Variants in CDKL5 observed in about 807,000 individuals in gnomAD.
The protein encoded by CDKL5 is cyclin dependent kinase like 5.
In CDKL5, 8 loss-of-function variants were observed where a neutral mutation model predicts 61.7. The ratio of observed to expected loss-of-function variants is 0.13; its 90% CI spans 0.08 to 0.23. The LOEUF (loss-of-function observed/expected upper bound fraction) is 0.23. Ranked by LOEUF, CDKL5 falls within the 10% of genes least tolerant of loss-of-function variation. The pLI is 1.00. For missense variants in CDKL5, 440 were observed against 734.5 expected, an observed-to-expected ratio of 0.60 and a Z score of 4.63; for synonymous variants, 275 against 272.3, an observed-to-expected ratio of 1.01 and a Z score of -0.10.
intron 1 of CDKL5, among the ~76,000 whole-genome samples, chrX:18,464,001 G>GGT (rs1932347039): frequency 9.1e-6 from 1 of 109,605 alleles, no homozygotes; most frequent in Admixed American, 9.8e-5. Context: ...TCTTAAGTAT[G>GGT]GTGTGTGTGT....
At chrX:18,481,446 A>G (rs1488799617) in intron 1 of CDKL5, among the ~76,000 whole-genome samples, 1 of 104,803 alleles carries the variant, frequency 9.5e-6, no homozygotes, top group Non-Finnish European at 1.9e-5. Context: ...TTGACCTCCT[A>G]GGCTCAGGTG....
At chrX:18,579,396 A>C (rs1193119579) in intron 5 of CDKL5, among the ~76,000 whole-genome samples, 4 of 109,290 alleles carry the variant, frequency 3.7e-5, no homozygotes, top group African/African-American at 1.0e-4. Context: ...AATTTTGGAC[A>C]TTTTTTTTTC....
At chrX:18,434,951 A>G (rs1409744857) in intron 1 of CDKL5, among the ~76,000 whole-genome samples, 2 of 111,773 alleles carry the variant, frequency 1.8e-5, no homozygotes, top group Non-Finnish European at 3.8e-5. Flanking sequence ...AAGATTTTGT[A>G]TTATGTTTAA....
At chrX:18,461,421 A>G (rs1253424889) in intron 1 of CDKL5, among the ~76,000 whole-genome samples, 1 of 112,689 alleles carries the variant, frequency 8.9e-6, no homozygotes, top group East Asian at 2.8e-4. Context: ...TCACTTGCAG[A>G]TAAATCTGAA....
rs746839315 is a variant in CDKL5 at position 18,550,754 on chromosome X, C to T, written c.100-13723C>T. Among the ~76,000 whole-genome samples the T allele has an allele frequency of 1.1e-4, 12 of 112,511 alleles. No individual in the cohort carries two copies. In the East Asian group the frequency reaches 2.5e-3, roughly 24 times the overall value. On this transcript the variant is annotated intron_variant, in intron 3 of 17. Transcript: ENST00000623535. Reference sequence around the variant, plus strand: ...ACTAGAAGTGAAATTTTCATTTTCTCGCCTCAGTGTTATAAAATAAGGACA... The same window carrying T: ...ACTAGAAGTGAAATTTTCATTTTCTTGCCTCAGTGTTATAAAATAAGGACA...
chrX:18,538,823 G>A (rs1397670354), intron 3 of CDKL5, among the ~76,000 whole-genome samples: 2 of 112,142 alleles, frequency 1.8e-5, no homozygotes, highest in Non-Finnish European at 3.8e-5. Flanking sequence ...TTCCTTAAGT[G>A]TTAAAATTCT....
chrX:18,614,187 A>G (rs944424891), intron 15 of CDKL5, among the ~76,000 whole-genome samples: 13 of 112,042 alleles, frequency 1.2e-4, no homozygotes, highest in Admixed American at 1.0e-3. Flanking sequence ...ACTCCATGTG[A>G]TGTCACAATT....
intron 11 of CDKL5, among the ~76,000 whole-genome samples, chrX:18,599,837 A>G (rs186095519): frequency 9.0e-6 from 1 of 111,644 alleles, no homozygotes; most frequent in East Asian, 2.8e-4. Context: ...TCCATATAGA[A>G]CCATTGTTCT....
chrX:18,555,335 T>G (rs1924562101), intron 3 of CDKL5, among the ~76,000 whole-genome samples: 2 of 112,179 alleles, frequency 1.8e-5, no homozygotes, highest in African/African-American at 6.5e-5. Flanking sequence ...ATTGTATTTT[T>G]TTTAAGTGTT....
chrX:18,594,364 C>G (rs1042205641), intron 9 of CDKL5, among the ~76,000 whole-genome samples: 13 of 111,588 alleles, frequency 1.2e-4, no homozygotes, highest in African/African-American at 4.2e-4. Context: ...AAACTTGACC[C>G]CTTCCCCTCA....
intron 20 of CDKL5, among the ~76,000 whole-genome samples, chrX:18,649,088 A>G (rs1927919346): frequency 9.1e-6 from 1 of 109,627 alleles, no homozygotes; most frequent in African/African-American, 3.3e-5. Context: ...AGCCTTGATA[A>G]CCTTAAGTAT....
intron 6 of CDKL5, among the ~76,000 whole-genome samples, chrX:18,580,346 G>GTA (rs1381319205): frequency 1.8e-5 from 2 of 111,713 alleles, no homozygotes; most frequent in African/African-American, 6.5e-5. Context: ...GGTAGACCAG[G>GTA]TAATGTGAAA....
chrX:18,545,422 A>G (rs1051689015), intron 3 of CDKL5, among the ~76,000 whole-genome samples: 11 of 111,786 alleles, frequency 9.8e-5, no homozygotes, highest in Non-Finnish European at 1.9e-5. Flanking sequence ...TACAGGTAGT[A>G]GAATAACTAG....
chrX:18,523,866 A>G (rs1923339000), intron 3 of CDKL5, among the ~76,000 whole-genome samples: 1 of 111,871 alleles, frequency 8.9e-6, no homozygotes, highest in African/African-American at 3.3e-5. Flanking sequence ...TAGGAGTAGC[A>G]TTGTTGGGTC....
intron 1 of CDKL5, among the ~76,000 whole-genome samples, chrX:18,478,067 A>C (rs1392913913): frequency 4.5e-5 from 5 of 110,744 alleles, no homozygotes; most frequent in Admixed American, 3.9e-4. Flanking sequence ...AGTATGTAAA[A>C]CTTCCTTTAG....
intron 1 of CDKL5, among the ~76,000 whole-genome samples, chrX:18,450,045 G>T: frequency 8.9e-6 from 1 of 112,035 alleles, no homozygotes; most frequent in South Asian, 3.7e-4. Context: ...TGCCCGCCTC[G>T]GCCTCCCAAA....
In CDKL5 at chrX:18,632,141, G is replaced by A. The variant is rs1927254853; in HGVS notation, c.*3384G>A. ...CCAAGCCCACCAGTCTGCAGAGCTT[G>A]GCTCTGGCCTTGTTCTGTCCAGGCT... On this transcript the variant is annotated 3_prime_UTR_variant, in exon 18 of 18. Coordinates refer to ENST00000623535, the MANE Select transcript of CDKL5 (RefSeq NM_001323289.2). The A allele has an allele frequency of 1.3e-6, 1 of 752,695 alleles. No individual in the cohort carries two copies. 62.0% of individuals were successfully genotyped at this position (752,695 alleles called of 1,213,427 possible). A position where few individuals can be genotyped will look rare whatever the true frequency, so the allele number is the denominator to read the frequency against.
At chrX:18,564,914 T>C (rs1386270944) in intron 4 of CDKL5, among the ~76,000 whole-genome samples, 1 of 111,992 alleles carries the variant, frequency 8.9e-6, no homozygotes, top group African/African-American at 3.2e-5. Flanking sequence ...AAGTACTACA[T>C]GAAAGATTTC....
intron 9 of CDKL5, 46 bp from the exon 10 acceptor site, chrX:18,595,302 A>G (rs1925954477): frequency 2.2e-6 from 2 of 920,687 alleles, no homozygotes; most frequent in East Asian, 6.2e-5. Flanking sequence ...GTGCACACAC[A>G]TGTCCTTCCC....
Sources: gnomAD v4.1 joint callset for allele counts (sites outside exome capture counted in the v4.1 genomes callset) on GRCh38, gnomAD v4.1.1 for gene constraint, MANE v1.5 for transcripts, NCBI Gene and HGNC (gene_info 2026-07-23, HGNC 2026-07-21) for gene names.